BCAT1: variants seen among roughly 807,000 people sequenced by gnomAD.
BCAT1 encodes branched-chain-amino-acid aminotransferase, cytosolic.
A neutral mutation model predicts 52.4 loss-of-function variants in BCAT1; 48 were observed. The observed-to-expected ratio is 0.92, with a 90% CI of 0.73 to 1.16. BCAT1 has a LOEUF of 1.16. Among genes scored for constraint, BCAT1 ranks in the 50% most tolerant of loss-of-function variants. BCAT1 has a pLI of 0.00. For missense variants in BCAT1, 451 were observed against 457.1 expected, an observed-to-expected ratio of 0.99 and a Z score of 0.12; for synonymous variants, 167 against 161.3, an observed-to-expected ratio of 1.04 and a Z score of -0.27.
At chr12:24,882,603 T>TA (rs1336453033) in intron 3 of BCAT1, among the ~76,000 whole-genome samples, 2 of 151,718 alleles carry the variant, frequency 1.3e-5, no homozygotes, top group African/African-American at 2.4e-5. Flanking sequence ...ATTTATTTTT[T>TA]TTTTTTGAGA....
At chr12:24,829,952 A>T in intron 9 of BCAT1, 55 bp from the exon 10 acceptor site, 1 of 1,334,440 alleles carries the variant, frequency 7.5e-7, no homozygotes, top group East Asian at 2.4e-5. Context: ...TATGGTGATA[A>T]CAGATAAGAC....
chr12:24,847,959 G>A (rs1198265181), intron 6 of BCAT1, among the ~76,000 whole-genome samples: 1 of 152,192 alleles, frequency 6.6e-6, no homozygotes, highest in Non-Finnish European at 1.5e-5. Flanking sequence ...AATATTAAAT[G>A]CGGAATATTT....
At chr12:24,887,264 G>C (rs1339112517) in intron 3 of BCAT1, among the ~76,000 whole-genome samples, 1 of 151,254 alleles carries the variant, frequency 6.6e-6, no homozygotes, top group African/African-American at 2.4e-5. Flanking sequence ...GCACAGGGCA[G>C]AACTGGGATG....
intron 1 of BCAT1, among the ~76,000 whole-genome samples, chr12:24,925,984 G>T (rs548329319): frequency 6.4e-4 from 97 of 152,336 alleles, no homozygotes; most frequent in African/African-American, 2.2e-3. Context: ...CCAAAGTGCC[G>T]AGATTGCAGC....
chr12:24,855,309 A>T (rs1941642486), intron 5 of BCAT1, among the ~76,000 whole-genome samples: 1 of 150,250 alleles, frequency 6.7e-6, no homozygotes. Context: ...GAGCAGTTAA[A>T]AAAAAAAAAA....
Position 24,815,320 on chromosome 12 carries a change from C to T in BCAT1, c.*2688G>A. 6.6e-6 allele frequency: 1 copy of T among 152,582 alleles called. No individual in the cohort carries two copies. The highest frequency in any genetic ancestry group is 1.5e-5 in the Non-Finnish European group (1 of 68,030). The allele number at this position is 152,582 out of a possible 1,614,324, so 9.5% of individuals were successfully genotyped here. A position where few individuals can be genotyped will look rare whatever the true frequency, so the allele number is the denominator to read the frequency against. ...TTAATGCACTTGTGAATTGCTGAAT[C>T]TCATTTGATCAACCCAATTAAACAT... On this transcript the variant is annotated 3_prime_UTR_variant, in exon 11 of 11. Transcript: ENST00000261192.
chr12:24,866,764 G>C (rs1378351189), intron 5 of BCAT1, among the ~76,000 whole-genome samples: 1 of 152,112 alleles, frequency 6.6e-6, no homozygotes, highest in East Asian at 1.9e-4. Flanking sequence ...GTCTAGCTCA[G>C]GGATTGTAAA....
chr12:24,889,553 C>A (rs1565484348), intron 3 of BCAT1, among the ~76,000 whole-genome samples: 1 of 152,146 alleles, frequency 6.6e-6, no homozygotes, highest in African/African-American at 2.4e-5. Flanking sequence ...AGAAATAATA[C>A]TGTGTGATTT....
rs1392012952 is a variant in BCAT1 at position 24,815,118 on chromosome 12, T to C, written c.*2890A>G. 1 of 152,194 alleles carries C rather than the reference T, an allele frequency of 6.6e-6. No individual in the cohort carries two copies. Among genetic ancestry groups the C allele is most frequent in the African/African-American group, 2.4e-5 (1 of 41,462 alleles). 9.4% of individuals were successfully genotyped at this position (152,194 alleles called of 1,614,324 possible). A position where few individuals can be genotyped will look rare whatever the true frequency, so the allele number is the denominator to read the frequency against. On this transcript the variant is annotated 3_prime_UTR_variant, in exon 11 of 11. Coordinates refer to ENST00000261192, the MANE Select transcript of BCAT1 (RefSeq NM_005504.7). The stretch of plus-strand genomic sequence containing the variant: ...TCTAACAGCAAATCTTTTTAGGAAC[T>C]GCTCAGGTTTTGCCTTTGTCTTGAC...
intron 7 of BCAT1, among the ~76,000 whole-genome samples, chr12:24,841,284 T>C (rs1941165557): frequency 6.6e-6 from 1 of 152,164 alleles, no homozygotes; most frequent in African/African-American, 2.4e-5. Flanking sequence ...TTTCAAAATA[T>C]GTAGAAAAGG....
In BCAT1 at chr12:24,811,112, G is replaced by A. The variant is rs1453994468; in HGVS notation, c.*6896C>T. Reference sequence around the variant, plus strand: ...TACTACAGATAAATCCATAACCAGGGGAAGGAAGAATTTTTAAATGCCCAT... The same window carrying A: ...TACTACAGATAAATCCATAACCAGGAGAAGGAAGAATTTTTAAATGCCCAT... On this transcript the variant is annotated 3_prime_UTR_variant, in exon 11 of 11. Transcript: ENST00000261192. 1 of 152,036 alleles carries A rather than the reference G, an allele frequency of 6.6e-6. No individual in the cohort carries two copies. Among genetic ancestry groups the A allele is most frequent in the Non-Finnish European group, 1.5e-5 (1 of 67,996 alleles). The allele number at this position is 152,036 out of a possible 1,614,324, so 9.4% of individuals were successfully genotyped here.
intron 8 of BCAT1, chr12:24,833,963 G>A: frequency 5.7e-6 from 1 of 174,896 alleles, no homozygotes; most frequent in East Asian, 1.9e-4. Flanking sequence ...TGGGACTACA[G>A]GTGTATGCTG....
intron 5 of BCAT1, among the ~76,000 whole-genome samples, chr12:24,877,825 C>T (rs1942389614): frequency 6.6e-6 from 1 of 152,164 alleles, no homozygotes; most frequent in Admixed American, 6.6e-5. Context: ...TATGTGCTGT[C>T]TATGGCTGCT....
intron 1 of BCAT1, among the ~76,000 whole-genome samples, chr12:24,941,237 C>G (rs535191374): frequency 4.7e-4 from 71 of 152,254 alleles, no homozygotes; most frequent in African/African-American, 1.7e-3. Flanking sequence ...AATCAACCAG[C>G]TATGTGAGTT....
At chr12:24,836,928 AAGAAAG>A (rs1940977160) in intron 7 of BCAT1, among the ~76,000 whole-genome samples, 1 of 110,316 alleles carries the variant, frequency 9.1e-6, no homozygotes, top group Non-Finnish European at 2.1e-5. Flanking sequence ...GAAAGAAAGA[AAGAAAG>A]AAAGAAAGAA....
intron 5 of BCAT1, among the ~76,000 whole-genome samples, chr12:24,871,848 T>A (rs1022263425): frequency 6.6e-6 from 1 of 152,144 alleles, no homozygotes; most frequent in Non-Finnish European, 1.5e-5. Flanking sequence ...ATAGACTGTA[T>A]CTCTAAAAAC....
At chr12:24,837,436 ATTTTTTTTT>A (rs35427447) in intron 7 of BCAT1, among the ~76,000 whole-genome samples, 1 of 121,936 alleles carries the variant, frequency 8.2e-6, no homozygotes, top group African/African-American at 3.1e-5. Context: ...GGAAAGTCTA[ATTTTTTTTT>A]TTTTTTTTTT....
At chr12:24,827,130 A>G (rs552180675) in intron 10 of BCAT1, among the ~76,000 whole-genome samples, 1 of 151,902 alleles carries the variant, frequency 6.6e-6, no homozygotes, top group South Asian at 2.1e-4. Context: ...CCCTTTATTT[A>G]TTTTTCCTGC....
In BCAT1 at chr12:24,949,019, G is replaced by C; in HGVS notation, c.-87C>G. On this transcript the variant is annotated 5_prime_UTR_variant, in exon 1 of 11. Transcript: ENST00000261192. Reference sequence around the variant, plus strand: ...CCCTGGCCGTGTGGACCGGGTCTGCGGCTGCAGAGCGCGGTCCCGGCTGCA... The same window carrying C: ...CCCTGGCCGTGTGGACCGGGTCTGCCGCTGCAGAGCGCGGTCCCGGCTGCA... 1 of 1,436,660 alleles carries C rather than the reference G, an allele frequency of 7.0e-7. No homozygotes were observed. Among genetic ancestry groups the C allele is most frequent in the South Asian group, 1.2e-5 (1 of 80,720 alleles). The allele number at this position is 1,436,660 out of a possible 1,614,324, so 89.0% of individuals were successfully genotyped here.
Sources: gnomAD v4.1 joint callset for allele counts (sites outside exome capture counted in the v4.1 genomes callset) on GRCh38, gnomAD v4.1.1 for gene constraint, MANE v1.5 for transcripts, NCBI Gene and HGNC (gene_info 2026-07-23, HGNC 2026-07-21) for gene names.